FER: variants seen among roughly 807,000 people sequenced by gnomAD.
FER encodes the protein FER tyrosine kinase, also known as tyrosine-protein kinase Fer.
A neutral mutation model predicts 111.0 loss-of-function variants in FER; 63 were observed. The observed-to-expected ratio is 0.57, with a 90% CI of 0.46 to 0.70. The LOEUF is 0.70. FER is among the 30% of genes least tolerant of loss of function. The probability of loss-of-function intolerance (pLI) is 0.00; values close to 1 mark genes in which losing one functional copy is unlikely to be tolerated. For synonymous variants in FER, 327 were observed against 313.9 expected (o/e 1.04, Z -0.44); for missense variants, 914 against 954.0 (o/e 0.96, Z 0.55).
Position 109,189,185 on chromosome 5 carries a change from T to A in FER, c.*1610T>A, listed in dbSNP as rs1310445223. On this transcript the variant is annotated 3_prime_UTR_variant, in exon 20 of 20. Coordinates refer to ENST00000281092, the MANE Select transcript of FER (RefSeq NM_005246.4). ...TATCTTAACTCTTATCTAGGGAACT[T>A]ACTTACTTACCCCATGATCTGTATA... 1.1e-5 allele frequency: 1 copy of A among 94,838 alleles called. No homozygotes were observed. The highest frequency in any genetic ancestry group is 2.4e-5 in the Non-Finnish European group (1 of 40,914). 5.9% of individuals were successfully genotyped at this position (94,838 alleles called of 1,614,324 possible).
chr5:108,848,537 T>C (rs1407414285), intron 5 of FER, among the ~76,000 whole-genome samples: 1 of 152,128 alleles, frequency 6.6e-6, no homozygotes, highest in African/African-American at 2.4e-5. Context: ...ACTGGTATTA[T>C]GCCACTTTGT....
At chr5:108,906,999 A>G (rs2150349620) in intron 10 of FER, among the ~76,000 whole-genome samples, 1 of 152,204 alleles carries the variant, frequency 6.6e-6, no homozygotes, top group South Asian at 2.1e-4. Context: ...GAGTCACATT[A>G]TCCTGGGTTT....
At chr5:109,052,159 A>T in intron 16 of FER, 1 of 1,607,984 alleles carries the variant, frequency 6.2e-7, no homozygotes, top group South Asian at 1.1e-5. Flanking sequence ...TTCCTTTTGC[A>T]TCACATAGAA....
chr5:108,749,517 C>T (rs936727133), intron 1 of FER, among the ~76,000 whole-genome samples: 1 of 152,160 alleles, frequency 6.6e-6, no homozygotes, highest in Admixed American at 6.5e-5. Flanking sequence ...CATTCTCAAC[C>T]CCTGGTATTC....
intron 17 of FER, among the ~76,000 whole-genome samples, chr5:109,145,244 A>C (rs1753955602): frequency 6.6e-6 from 1 of 152,022 alleles, no homozygotes; most frequent in Non-Finnish European, 1.5e-5. Flanking sequence ...CTGAAGAACA[A>C]GGGACTCTCA....
chr5:108,847,908 A>G (rs888306841), intron 5 of FER, among the ~76,000 whole-genome samples: 3 of 151,924 alleles, frequency 2.0e-5, no homozygotes, highest in Non-Finnish European at 4.4e-5. Flanking sequence ...TTTTTACAAC[A>G]GGGTCTCACT....
chr5:109,060,270 TATATAAACTAAG>T (rs1774217600), intron 16 of FER, among the ~76,000 whole-genome samples: 1 of 152,142 alleles, frequency 6.6e-6, no homozygotes. Flanking sequence ...AGAATTTACA[TATATAAACTAAG>T]CTTCAATATA....
intron 13 of FER, among the ~76,000 whole-genome samples, chr5:109,003,539 C>T (rs1049015307): frequency 1.5e-4 from 23 of 152,030 alleles, no homozygotes; most frequent in Non-Finnish European, 3.1e-4. Flanking sequence ...ATGAGTGCAG[C>T]ACACCAGCAT....
intron 16 of FER, among the ~76,000 whole-genome samples, chr5:109,091,653 G>A (rs10040665): frequency 1.4e-4 from 21 of 152,032 alleles, no homozygotes; most frequent in Admixed American, 3.9e-4. Flanking sequence ...CCTTGAGAGC[G>A]GCAATGTACA....
At chr5:108,938,721 T>C (rs568078292) in intron 10 of FER, among the ~76,000 whole-genome samples, 5 of 151,798 alleles carry the variant, frequency 3.3e-5, no homozygotes, top group Non-Finnish European at 5.9e-5. Flanking sequence ...TCCAGTGAGA[T>C]TGAAAAATGG....
In FER at chr5:109,177,306, T is replaced by C. The variant is rs144337163; in HGVS notation, c.2049-3441T>C. 2.4e-3 allele frequency among the ~76,000 whole-genome samples: 369 copies of C among 152,204 alleles called. 1 individual carries two copies. Among genetic ancestry groups the C allele is most frequent in the African/African-American group, 8.5e-3 (355 of 41,536 alleles). On this transcript the variant is annotated intron_variant, in intron 17 of 19. Transcript: ENST00000281092. ...TCCCTGGGTTGTTGGTTTTATGCCA[T>C]GTTTCAGCCAGAATCAGGAAACTCC...
chr5:108,980,695 TA>T (rs746822481), intron 13 of FER, among the ~76,000 whole-genome samples: 12 of 152,286 alleles, frequency 7.9e-5, no homozygotes, highest in Non-Finnish European at 1.6e-4. Context: ...TTTAGACCGA[TA>T]ACAGAGTGAA....
chr5:108,785,504 T>A (rs532115802), intron 2 of FER: 138 of 565,584 alleles, frequency 2.4e-4, no homozygotes, highest in African/African-American at 2.3e-3. Context: ...GTTTGCTGGC[T>A]ACACAGACAA....
chr5:108,830,547 TTATTG>T (rs1759935751), intron 3 of FER: 1 of 152,180 alleles, frequency 6.6e-6, no homozygotes, highest in East Asian at 1.9e-4. Context: ...TTTTAAATTA[TTATTG>T]TATTATTATT....
Position 109,130,060 on chromosome 5 carries a change from G to GTTT in FER, c.2048+29548_2048+29550dup, listed in dbSNP as rs71808956. ...ACAATGTATTAATACTTGTGCGTAG[G>GTTT]TTTTTTTTTACATTTATACTTATGC... On this transcript the variant is annotated intron_variant, in intron 17 of 19. Transcript: ENST00000281092. Among the ~76,000 whole-genome samples, 716 of 150,424 alleles carry GTTT rather than the reference G, an allele frequency of 4.8e-3. 6 individuals carry two copies. The highest frequency in any genetic ancestry group is 0.016 in the African/African-American group (676 of 41,130).
intron 16 of FER, among the ~76,000 whole-genome samples, chr5:109,057,247 C>G (rs1293835220): frequency 6.6e-6 from 1 of 151,918 alleles, no homozygotes; most frequent in Admixed American, 6.6e-5. Flanking sequence ...CAAATTAAAC[C>G]AAAATAAGTA....
At chr5:108,772,957 A>C (rs1477986524) in intron 2 of FER, among the ~76,000 whole-genome samples, 1 of 152,224 alleles carries the variant, frequency 6.6e-6, no homozygotes, top group African/African-American at 2.4e-5. Context: ...ACATAGAGAC[A>C]CTCAGAGCTA....
At chr5:108,901,656 A>G (rs549390053) in intron 10 of FER, among the ~76,000 whole-genome samples, 9 of 152,334 alleles carry the variant, frequency 5.9e-5, no homozygotes, top group African/African-American at 2.2e-4. Context: ...ATTATTTAAA[A>G]AATAATTTTG....
intron 17 of FER, among the ~76,000 whole-genome samples, chr5:109,152,986 A>G (rs188306686): frequency 2.0e-5 from 3 of 151,946 alleles, no homozygotes; most frequent in African/African-American, 4.8e-5. Context: ...GAGAGTATCA[A>G]AAAAGAGTAT....
Sources: gnomAD v4.1 joint callset for allele counts (sites outside exome capture counted in the v4.1 genomes callset) on GRCh38, gnomAD v4.1.1 for gene constraint, MANE v1.5 for transcripts, NCBI Gene and HGNC (gene_info 2026-07-23, HGNC 2026-07-21) for gene names.